Variants in PACRG observed in about 807,000 individuals in gnomAD.
PACRG encodes the protein parkin coregulated gene protein.
Under a neutral mutation model 29.7 loss-of-function variants are expected in PACRG, and 29 were observed. That is an observed-to-expected ratio of 0.98 (90% CI 0.73 to 1.33). The LOEUF is 1.33. PACRG is among the 40% of genes most tolerant of loss of function. The pLI is 0.00. For synonymous variants in PACRG, 116 were observed against 118.7 expected, an observed-to-expected ratio of 0.98 and a Z score of 0.15; for missense variants, 279 against 316.2, an observed-to-expected ratio of 0.88 and a Z score of 0.89.
At chr6:163,086,840 T>A (rs1230779009) in intron 3 of PACRG, among the ~76,000 whole-genome samples, 1 of 152,060 alleles carries the variant, frequency 6.6e-6, no homozygotes, top group African/African-American at 2.4e-5. Context: ...AAGGTATCAT[T>A]TAGTGGTTTT....
At chr6:162,886,591 A>G (rs917813966) in intron 2 of PACRG, among the ~76,000 whole-genome samples, 2 of 152,174 alleles carry the variant, frequency 1.3e-5, no homozygotes, top group African/African-American at 2.4e-5. Flanking sequence ...CATTTCCTGT[A>G]GCCATTTGGC....
chr6:162,814,457 A>G lies in PACRG; in HGVS notation c.291+176A>G, dbSNP rs190330943. The G allele has an allele frequency of 4.3e-3, 2,884 of 664,744 alleles. 13 individuals are homozygous for G. The highest frequency in any genetic ancestry group is 5.5e-3 in the Non-Finnish European group (2,317 of 423,140). 41.2% of individuals were successfully genotyped at this position (664,744 alleles called of 1,614,324 possible). A position where few individuals can be genotyped will look rare whatever the true frequency, so the allele number is the denominator to read the frequency against. ...TGTCAGCCATCCACCTTGACTAACA[A>G]TTAAATTATAGCCTGCAAAGAAGAA... On this transcript the variant is annotated intron_variant, in intron 2 of 4. Coordinates refer to ENST00000366888, the MANE Select transcript of PACRG (RefSeq NM_001080379.2).
At chr6:163,232,872 C>T (rs1782099770) in intron 4 of PACRG, among the ~76,000 whole-genome samples, 1 of 152,156 alleles carries the variant, frequency 6.6e-6, no homozygotes, top group African/African-American at 2.4e-5. Context: ...CCAGCCCCTC[C>T]ACCCCTCCTC....
At chr6:162,747,284 T>G (rs1781065663) in intron 1 of PACRG, among the ~76,000 whole-genome samples, 2 of 141,966 alleles carry the variant, frequency 1.4e-5, no homozygotes, top group South Asian at 4.6e-4. Context: ...CATCGGACTC[T>G]AAGTTCTTCA....
chr6:163,042,845 A>G (rs961530830), intron 2 of PACRG: 2 of 152,230 alleles, frequency 1.3e-5, no homozygotes, highest in Non-Finnish European at 2.9e-5. Context: ...TGTGATTATC[A>G]ATAAATTTTA....
intron 4 of PACRG, among the ~76,000 whole-genome samples, chr6:163,208,615 T>G (rs2128153233): frequency 6.6e-6 from 1 of 152,338 alleles, no homozygotes; most frequent in Middle Eastern, 3.4e-3. Context: ...TTGGTATCAC[T>G]TCCTAGGATT....
intron 2 of PACRG, among the ~76,000 whole-genome samples, chr6:162,859,089 G>A (rs1791640435): frequency 6.6e-6 from 1 of 151,940 alleles, no homozygotes; most frequent in African/African-American, 2.4e-5. Context: ...CTCCATGAAG[G>A]CACAATGATG....
chr6:162,836,591 T>C (rs1034154553), intron 2 of PACRG, among the ~76,000 whole-genome samples: 2 of 152,102 alleles, frequency 1.3e-5, no homozygotes, highest in African/African-American at 4.8e-5. Flanking sequence ...GAGCCCTATG[T>C]CATTTAGAAA....
At chr6:163,144,756 G>A (rs918506429) in intron 4 of PACRG, among the ~76,000 whole-genome samples, 10 of 152,100 alleles carry the variant, frequency 6.6e-5, no homozygotes, top group African/African-American at 2.2e-4. Context: ...GCGACAGAGC[G>A]AGACTCTCTC....
At chr6:162,875,311 GCACAGACATTCACA>G (rs1412406492) in intron 2 of PACRG, among the ~76,000 whole-genome samples, 9 of 129,830 alleles carry the variant, frequency 6.9e-5, no homozygotes, top group Non-Finnish European at 1.5e-4. Flanking sequence ...ACACAGACAT[GCACAGACATTCACA>G]CACAGACATG....
At chr6:163,026,526 T>C (rs1263431047) in intron 2 of PACRG, among the ~76,000 whole-genome samples, 1 of 152,218 alleles carries the variant, frequency 6.6e-6, no homozygotes, top group African/African-American at 2.4e-5. Flanking sequence ...TGAGAAAATA[T>C]GTTTACAAAA....
intron 4 of PACRG, among the ~76,000 whole-genome samples, chr6:163,285,933 C>A (rs1265492891): frequency 6.8e-6 from 1 of 147,584 alleles, no homozygotes; most frequent in Non-Finnish European, 1.5e-5. Flanking sequence ...GACTCCATCC[C>A]TTCATGACAG....
At chr6:162,819,164 C>T (rs2128371801) in intron 2 of PACRG, among the ~76,000 whole-genome samples, 2 of 152,230 alleles carry the variant, frequency 1.3e-5, no homozygotes, top group Middle Eastern at 6.8e-3. Context: ...AGAACTGATA[C>T]ATATGAGCAG....
At chr6:163,198,304 AT>A (rs750189684) in intron 4 of PACRG, among the ~76,000 whole-genome samples, 1 of 151,348 alleles carries the variant, frequency 6.6e-6, no homozygotes, top group Non-Finnish European at 1.5e-5. Context: ...AAGTTAAAAA[AT>A]ATTCAGAGTT....
At chr6:163,158,614 T>G (rs1445957279) in intron 4 of PACRG, among the ~76,000 whole-genome samples, 1 of 152,240 alleles carries the variant, frequency 6.6e-6, no homozygotes, top group Non-Finnish European at 1.5e-5. Flanking sequence ...TGTTTTAAAT[T>G]ATTTTTAAAT....
intron 2 of PACRG, among the ~76,000 whole-genome samples, chr6:162,940,529 T>C (rs1798543638): frequency 6.6e-6 from 1 of 152,192 alleles, no homozygotes; most frequent in Non-Finnish European, 1.5e-5. Flanking sequence ...CCTCTCTATT[T>C]GAGTCCAGAA....
At chr6:162,885,818 C>T (rs1016098113) in intron 2 of PACRG, among the ~76,000 whole-genome samples, 7 of 152,070 alleles carry the variant, frequency 4.6e-5, no homozygotes, top group Non-Finnish European at 8.8e-5. Context: ...TTACTGTTTG[C>T]TGAATCATTT....
chr6:163,153,566 T>C (rs907931006), intron 4 of PACRG, among the ~76,000 whole-genome samples: 2 of 152,238 alleles, frequency 1.3e-5, no homozygotes, highest in Non-Finnish European at 2.9e-5. Flanking sequence ...GGGGATTTTT[T>C]TTACATTGGT....
intron 2 of PACRG, among the ~76,000 whole-genome samples, chr6:162,877,768 A>T (rs1298379172): frequency 6.6e-6 from 1 of 152,158 alleles, no homozygotes; most frequent in Non-Finnish European, 1.5e-5. Flanking sequence ...TGGTTCAGAA[A>T]TGGCATCCCT....
Sources: allele counts gnomAD v4.1 joint callset (sites outside exome capture counted in the v4.1 genomes callset), GRCh38; gene constraint gnomAD v4.1.1; transcripts MANE v1.5; gene names NCBI Gene and HGNC (gene_info 2026-07-23, HGNC 2026-07-21).